The following BABAM2 variants were observed in gnomAD, a reference collection of about 807,000 sequenced individuals.
The protein encoded by BABAM2 is BRISC and BRCA1 A complex member 2, also known as BRISC and BRCA1-A complex member 2.
Under a neutral mutation model 54.7 loss-of-function variants are expected in BABAM2, and 31 were observed. The ratio of observed to expected loss-of-function variants is 0.57; its 90% CI spans 0.43 to 0.77. The LOEUF (loss-of-function observed/expected upper bound fraction) is 0.77. BABAM2 is among the 30% of genes least tolerant of loss of function. The pLI is 0.00. For missense variants in BABAM2, 364 were observed against 455.8 expected (o/e 0.80, Z 1.83); for synonymous variants, 167 against 162.9 (o/e 1.03, Z -0.19).
intron 8 of BABAM2, among the ~76,000 whole-genome samples, chr2:28,240,196 A>G (rs1478768458): frequency 6.6e-6 from 1 of 151,866 alleles, no homozygotes. Context: ...TCTAAGCTCA[A>G]TGCAGCCTTG....
chr2:28,074,706 G>T (rs1187327534), intron 6 of BABAM2, among the ~76,000 whole-genome samples: 1 of 151,898 alleles, frequency 6.6e-6, no homozygotes, highest in Non-Finnish European at 1.5e-5. Context: ...GGCATTAGTT[G>T]GGGTGAGGGG....
At chr2:28,107,097 C>T (rs559651378) in intron 6 of BABAM2, among the ~76,000 whole-genome samples, 29 of 152,050 alleles carry the variant, frequency 1.9e-4, no homozygotes, top group Non-Finnish European at 3.5e-4. Flanking sequence ...TTATATCCAT[C>T]CCCCTTTATG....
Position 28,139,127 on chromosome 2 carries a change from T to G in BABAM2, c.680+9747T>G, listed in dbSNP as rs13384961. 9.2e-5 allele frequency among the ~76,000 whole-genome samples: 14 copies of G among 151,796 alleles called. No individual in the cohort carries two copies. In the East Asian group the frequency reaches 9.7e-4, roughly 11 times the overall value. ...TCTTAATTTGGAGGAAGTGTAACTA[T>G]GTTTAAACATTTTTTTTCAGCTGGG... On this transcript the variant is annotated intron_variant, in intron 7 of 11. Coordinates refer to ENST00000379624, the MANE Select transcript of BABAM2 (RefSeq NM_199191.3).
At chr2:28,103,142 T>TA (rs879352992) in intron 6 of BABAM2, among the ~76,000 whole-genome samples, 4,380 of 139,728 alleles carry the variant, frequency 0.031, 149 homozygotes, top group African/African-American at 0.089. Context: ...ACTTATTGAG[T>TA]AAAAAAAAAA....
At chr2:28,068,619 A>G (rs1663840357) in intron 6 of BABAM2, among the ~76,000 whole-genome samples, 1 of 152,240 alleles carries the variant, frequency 6.6e-6, no homozygotes, top group Non-Finnish European at 1.5e-5. Flanking sequence ...TCAGCAGATT[A>G]TAACTACAAA....
At chr2:28,275,028 G>A (rs1685750354) in intron 10 of BABAM2, among the ~76,000 whole-genome samples, 1 of 152,180 alleles carries the variant, frequency 6.6e-6, no homozygotes, top group South Asian at 2.1e-4. Flanking sequence ...CTTGGTGCAA[G>A]TCAAGTGAAT....
intron 11 of BABAM2, chr2:28,310,023 G>A: frequency 1.3e-6 from 2 of 1,525,434 alleles, no homozygotes; most frequent in Admixed American, 3.4e-5. Flanking sequence ...TGGAATTATT[G>A]GATCCTTGAA....
chr2:27,989,325 G>A (rs72812546), intron 4 of BABAM2, among the ~76,000 whole-genome samples: 6,809 of 152,170 alleles, frequency 0.045, 197 homozygotes, highest in South Asian at 0.1. Context: ...GAATTTAAAG[G>A]TGGTCAGAAA....
intron 3 of BABAM2, among the ~76,000 whole-genome samples, chr2:27,944,628 GA>G (rs1417841716): frequency 2.0e-5 from 3 of 152,004 alleles, no homozygotes; most frequent in Non-Finnish European, 4.4e-5. Flanking sequence ...TTCATCCATT[GA>G]AGGACATTCG....
At chr2:27,993,411 A>G (rs1487962205) in intron 4 of BABAM2, among the ~76,000 whole-genome samples, 1 of 152,168 alleles carries the variant, frequency 6.6e-6, no homozygotes. Context: ...TAGAAAAAAA[A>G]TTTAGAGAAA....
rs565643711 is a variant in BABAM2, at chr2:27,892,968, G to T, written c.-24-1565G>T. Among the ~76,000 whole-genome samples, 22 of 152,224 alleles carry T rather than the reference G, an allele frequency of 1.4e-4. 1 individual carries two copies. The South Asian group carries it at 4.6e-3, about 32-fold the overall frequency. Reference sequence around the variant, plus strand: ...GGGTCAAAGTGTTCTTATTTTTTGAGCTATCAAATTAGCAAATAAATTTAT... The same window carrying T: ...GGGTCAAAGTGTTCTTATTTTTTGATCTATCAAATTAGCAAATAAATTTAT... On this transcript the variant is annotated intron_variant, in intron 1 of 11. Transcript: ENST00000379624.
At chr2:27,936,816 G>T (rs1668521392) in intron 3 of BABAM2, among the ~76,000 whole-genome samples, 1 of 152,046 alleles carries the variant, frequency 6.6e-6, no homozygotes, top group Admixed American at 6.5e-5. Context: ...GGGCAGGGGG[G>T]AGGGATAGCA....
chr2:27,890,386 G>A (rs1447532206), upstream of BABAM2: 2 of 1,574,950 alleles, frequency 1.3e-6, no homozygotes, highest in Non-Finnish European at 1.7e-6. This position sits in a 1 kb window ranked among gnomAD's most constrained non-coding sequence, Gnocchi z 4.8. Flanking sequence ...GGTGACCTCT[G>A]CCCTTTGCCC....
intron 11 of BABAM2, among the ~76,000 whole-genome samples, chr2:28,326,517 C>T (rs1234283845): frequency 6.6e-6 from 1 of 152,190 alleles, no homozygotes; most frequent in Non-Finnish European, 1.5e-5. Flanking sequence ...CCAGCCCCAG[C>T]CCAGCCAGGT....
At chr2:28,334,830 CAG>C (rs1259549712) in intron 11 of BABAM2, among the ~76,000 whole-genome samples, 2 of 152,184 alleles carry the variant, frequency 1.3e-5, no homozygotes, top group African/African-American at 4.8e-5. Flanking sequence ...CGTAAGGGAA[CAG>C]AGCCCAGGGC....
chr2:27,980,089 T>C (rs946546424), intron 3 of BABAM2, among the ~76,000 whole-genome samples: 3 of 152,218 alleles, frequency 2.0e-5, no homozygotes, highest in Non-Finnish European at 2.9e-5. Flanking sequence ...CCCACTGTTA[T>C]AGCCTGGCAA....
intron 2 of BABAM2, among the ~76,000 whole-genome samples, chr2:27,914,390 C>CT (rs1232240921): frequency 6.6e-6 from 1 of 152,186 alleles, no homozygotes; most frequent in Non-Finnish European, 1.5e-5. Flanking sequence ...ATAGTTCTTT[C>CT]TTCTGTAGGC....
chr2:28,103,575 T>C (rs1667265314), intron 6 of BABAM2, among the ~76,000 whole-genome samples: 1 of 152,160 alleles, frequency 6.6e-6, no homozygotes, highest in Non-Finnish European at 1.5e-5. Flanking sequence ...TCCCAAAGTG[T>C]TGGGATGACA....
chr2:28,309,659 C>T (rs1360162850), intron 11 of BABAM2: 1 of 168,622 alleles, frequency 5.9e-6, no homozygotes, highest in Non-Finnish European at 1.3e-5. Context: ...GTCCCTTAAC[C>T]TCGGTAACTT....
Sources: gnomAD v4.1 joint callset for allele counts (sites outside exome capture counted in the v4.1 genomes callset) on GRCh38, gnomAD v4.1.1 for gene constraint, Gnocchi (gnomAD v3.1) non-coding constraint, MANE v1.5 for transcripts, NCBI Gene and HGNC (gene_info 2026-07-23, HGNC 2026-07-21) for gene names.